Variants in WLS observed in about 807,000 individuals in gnomAD.
The protein encoded by WLS is Wnt ligand secretion mediator.
WLS carries 23 observed loss-of-function variants against 62.8 expected under a neutral mutation model. The ratio of observed to expected loss-of-function variants is 0.37; its 90% CI spans 0.26 to 0.52. The LOEUF (loss-of-function observed/expected upper bound fraction) is 0.52, where lower values mean the gene tolerates loss of function less well. Ranked by LOEUF, WLS falls within the 20% of genes least tolerant of loss-of-function variation. WLS has a pLI of 0.92. For synonymous variants in WLS, 246 were observed against 244.1 expected (o/e 1.01, Z -0.07); for missense variants, 615 against 697.3 (o/e 0.88, Z 1.33).
intron 2 of WLS, among the ~76,000 whole-genome samples, chr1:68,167,345 G>A (rs928419529): frequency 2.6e-5 from 4 of 152,154 alleles, no homozygotes; most frequent in Admixed American, 1.3e-4. Context: ...GTAAAACTGC[G>A]AAGCTGGTTA....
intron 1 of WLS, among the ~76,000 whole-genome samples, chr1:68,220,464 G>A (rs972541931): frequency 2.6e-5 from 4 of 152,202 alleles, no homozygotes; most frequent in Admixed American, 6.5e-5. Context: ...CCGTGACTCA[G>A]AGATTTTTGG....
intron 10 of WLS, 119 bp downstream of exon 10, chr1:68,144,450 C>A: frequency 1.1e-6 from 1 of 907,716 alleles, no homozygotes; most frequent in Non-Finnish European, 1.6e-6. Context: ...ATGGCTTGAC[C>A]AGCTGTCCAG....
intron 11 of WLS, among the ~76,000 whole-genome samples, chr1:68,101,128 T>G (rs953317444): frequency 5.9e-5 from 9 of 152,168 alleles, no homozygotes; most frequent in African/African-American, 9.7e-5. Context: ...TGTAACCTTT[T>G]GTTAGAAGTA....
At chr1:68,107,906 C>T (rs1312209783) in intron 11 of WLS, among the ~76,000 whole-genome samples, 1 of 152,096 alleles carries the variant, frequency 6.6e-6, no homozygotes, top group African/African-American at 2.4e-5. Context: ...AAGAGAAGCA[C>T]ACTCCCCAGT....
chr1:68,162,985 C>A, intron 2 of WLS: 1 of 1,594,134 alleles, frequency 6.3e-7, no homozygotes, highest in Non-Finnish European at 8.6e-7. Context: ...AGCAGCGCCA[C>A]CAGGGGGCAG....
intron 2 of WLS, among the ~76,000 whole-genome samples, chr1:68,182,643 T>A (rs1012563032): frequency 2.6e-5 from 4 of 151,966 alleles, no homozygotes; most frequent in Non-Finnish European, 4.4e-5. Context: ...TGTAAGCCCA[T>A]CTTGAATACT....
intron 11 of WLS, among the ~76,000 whole-genome samples, chr1:68,104,498 A>G (rs919382801): frequency 3.0e-5 from 4 of 131,494 alleles, no homozygotes; most frequent in African/African-American, 1.1e-4. Context: ...TTGTAGGTGC[A>G]ATATCATATG....
intron 11 of WLS, among the ~76,000 whole-genome samples, chr1:68,105,702 G>GGT (rs1443497101): frequency 6.6e-6 from 1 of 152,166 alleles, no homozygotes; most frequent in Non-Finnish European, 1.5e-5. Flanking sequence ...TTTCTTGGAA[G>GGT]GTGAGGGGTG....
chr1:68,145,636 C>T (rs1250291867), intron 9 of WLS, among the ~76,000 whole-genome samples: 1 of 152,088 alleles, frequency 6.6e-6, no homozygotes, highest in African/African-American at 2.4e-5. Flanking sequence ...CAAGTTTATT[C>T]ATTACTGAAA....
chr1:68,232,200 A>T lies in WLS; in HGVS notation c.100T>A (p.Leu34Met), dbSNP rs1351322907. Residue 34 changes from leucine (L) to methionine (M), a missense_variant, in exon 1 of 12, where the codon TTG becomes ATG. Physicochemically the swap from Leu to Met is conservative, Grantham distance 15. Coordinates refer to ENST00000262348, the MANE Select transcript of WLS (RefSeq NM_024911.7). Reference protein sequence around the residue: ...FQIIAFLVGGLIAPGPTTAVS... With the variant: ...FQIIAFLVGGMIAPGPTTAVS... ...TGCAGCTCTCCGCACTTACCAATCA[A>T]GCCTCCCACCAGAAAGGCGATGATT... 2 of 1,613,988 alleles carry T rather than the reference A, an allele frequency of 1.2e-6. No homozygotes were observed. The highest frequency in any genetic ancestry group is 2.7e-5 in the African/African-American group (2 of 74,922).
intron 11 of WLS, among the ~76,000 whole-genome samples, chr1:68,109,179 C>A (rs2100319411): frequency 7.6e-6 from 1 of 131,784 alleles, no homozygotes; most frequent in East Asian, 2.0e-4. Flanking sequence ...AAACTGCAAT[C>A]AAAAGCCAGC....
At chr1:68,213,427 G>C (rs375034891) in intron 1 of WLS, among the ~76,000 whole-genome samples, 126 of 148,054 alleles carry the variant, frequency 8.5e-4, no homozygotes, top group African/African-American at 3.1e-3. Flanking sequence ...CTCCAGACTG[G>C]GCAACAAGAG....
chr1:68,104,780 TGTG>T (rs1368467672), intron 11 of WLS, among the ~76,000 whole-genome samples: 2 of 152,004 alleles, frequency 1.3e-5, no homozygotes, highest in Non-Finnish European at 2.9e-5. Flanking sequence ...AGTAGCCAGG[TGTG>T]GTGGTGCATG....
intron 5 of WLS, among the ~76,000 whole-genome samples, chr1:68,152,079 G>A (rs979809827): frequency 2.0e-5 from 3 of 152,214 alleles, no homozygotes; most frequent in Non-Finnish European, 4.4e-5. Context: ...ATGACTCACT[G>A]CTACATTTCC....
Position 68,159,242 on chromosome 1 carries a change from T to C in WLS, c.385A>G (p.Asn129Asp), listed in dbSNP as rs1397817828. Residue 129 changes from asparagine (N) to aspartate (D), a missense_variant, in exon 3 of 12, where the codon AAT becomes GAT. By Grantham distance (23) the Asn-to-Asp change is conservative (BLOSUM62 1). Transcript: ENST00000262348. ...GAAACGTCCATGGAGACTTCTGCAT[T>C]TTCTCCTGCAAGAGAAAGGATGCAC... ...AFKLNNQIRE[N>D]AEVSMDVSLA... is the part of the protein sequence containing the mutation. 6 of 1,612,194 alleles carry C rather than the reference T, an allele frequency of 3.7e-6. No individual in the cohort carries two copies. The East Asian group carries it at 6.7e-5, about 18-fold the overall frequency.
chr1:68,100,229 C>T (rs1465020325), intron 11 of WLS, among the ~76,000 whole-genome samples: 1 of 152,338 alleles, frequency 6.6e-6, no homozygotes, highest in African/African-American at 2.4e-5. Context: ...TGAGGATCCA[C>T]AAGTTAGTTG....
intron 11 of WLS, among the ~76,000 whole-genome samples, chr1:68,105,469 AT>A (rs1646130859): frequency 1.3e-5 from 2 of 152,168 alleles, no homozygotes; most frequent in African/African-American, 4.8e-5. Context: ...GTGCCACCTC[AT>A]TGTAGAAAAA....
At chr1:68,145,014 T>C (rs1646734580) in intron 9 of WLS, among the ~76,000 whole-genome samples, 1 of 152,218 alleles carries the variant, frequency 6.6e-6, no homozygotes, top group African/African-American at 2.4e-5. Flanking sequence ...TCTGCTCCAG[T>C]GAACAAAAAG....
intron 2 of WLS, among the ~76,000 whole-genome samples, chr1:68,193,101 C>A (rs1370197149): frequency 6.6e-6 from 1 of 150,928 alleles, no homozygotes; most frequent in Non-Finnish European, 1.5e-5. Context: ...AAGAGCGAAA[C>A]TCTGTTTCAA....
Sources: gnomAD v4.1 joint callset for allele counts (sites outside exome capture counted in the v4.1 genomes callset) on GRCh38, gnomAD v4.1.1 for gene constraint, MANE v1.5 for transcripts, NCBI Gene and HGNC (gene_info 2026-07-23, HGNC 2026-07-21) for gene names.